CSRNP3: variants seen among roughly 807,000 people sequenced by gnomAD.
CSRNP3 encodes the protein cysteine/serine-rich nuclear protein 3.
A neutral mutation model predicts 48.0 loss-of-function variants in CSRNP3; 12 were observed. That is an observed-to-expected ratio of 0.25 (90% CI 0.16 to 0.41). The LOEUF is 0.41. Ranked by LOEUF, CSRNP3 falls within the 10% of genes least tolerant of loss-of-function variation. The probability of loss-of-function intolerance (pLI) is 1.00; values close to 1 mark genes in which losing one functional copy is unlikely to be tolerated. For missense variants in CSRNP3, 580 were observed against 724.4 expected, an observed-to-expected ratio of 0.80 and a Z score of 2.29; for synonymous variants, 263 against 269.7, an observed-to-expected ratio of 0.98 and a Z score of 0.24.
intron 1 of CSRNP3, among the ~76,000 whole-genome samples, chr2:165,478,030 GGGAAAGGAA>G (rs201089437): frequency 0.052 from 7,820 of 149,504 alleles, 257 homozygotes; most frequent in Admixed American, 0.082. Context: ...AAGAGAGAGA[GGGAAAGGAA>G]GGAAAGGAAG....
In CSRNP3 at chr2:165,610,695, G is replaced by A. The variant is rs534220696; in HGVS notation, c.148+15482G>A. On this transcript the variant is annotated intron_variant, in intron 4 of 6. Transcript: ENST00000651982. ...GGCATTGTGGCACCTCTCAGCCAGG[G>A]CTGCTTCCTTACAGGAAGTGCTTCA... Among the ~76,000 whole-genome samples the A allele has an allele frequency of 1.6e-3, 242 of 152,290 alleles. 1 individual carries two copies. The highest frequency in any genetic ancestry group is 3.0e-3 in the Admixed American group (46 of 15,296).
chr2:165,651,550 C>T (rs1008598510), intron 4 of CSRNP3, among the ~76,000 whole-genome samples: 10 of 151,620 alleles, frequency 6.6e-5, no homozygotes, highest in Non-Finnish European at 1.2e-4. Context: ...TTCACGAGTT[C>T]GTTCTTTATA....
intron 3 of CSRNP3, among the ~76,000 whole-genome samples, chr2:165,592,191 G>T (rs1046111364): frequency 6.6e-6 from 1 of 152,220 alleles, no homozygotes; most frequent in Non-Finnish European, 1.5e-5. Context: ...CTACCCTATT[G>T]TAATTTGGAC....
chr2:165,563,271 T>G (rs1685257131), intron 3 of CSRNP3, among the ~76,000 whole-genome samples: 1 of 152,154 alleles, frequency 6.6e-6, no homozygotes, highest in Non-Finnish European at 1.5e-5. Context: ...CAGACAAAAT[T>G]GAAAACCTAA....
intron 4 of CSRNP3, among the ~76,000 whole-genome samples, chr2:165,598,524 T>C (rs1438721874): frequency 1.3e-5 from 2 of 152,234 alleles, no homozygotes; most frequent in Non-Finnish European, 2.9e-5. Flanking sequence ...GTAGTTTATC[T>C]TGTGTTTATG....
At chr2:165,614,930 C>T (rs1318437593) in intron 4 of CSRNP3, among the ~76,000 whole-genome samples, 1 of 152,102 alleles carries the variant, frequency 6.6e-6, no homozygotes, top group Non-Finnish European at 1.5e-5. Context: ...AGATACTTTA[C>T]ATGACTTTGA....
intron 3 of CSRNP3, among the ~76,000 whole-genome samples, chr2:165,519,295 T>C (rs555793189): frequency 6.6e-6 from 1 of 152,022 alleles, no homozygotes; most frequent in African/African-American, 2.4e-5. Flanking sequence ...TTCGAGTACA[T>C]TGGATTTCCT....
chr2:165,631,989 A>G (rs1329585893), intron 4 of CSRNP3, among the ~76,000 whole-genome samples: 1 of 152,220 alleles, frequency 6.6e-6, no homozygotes, highest in Non-Finnish European at 1.5e-5. Context: ...AATACTATTA[A>G]TATTTAGAGC....
intron 5 of CSRNP3, among the ~76,000 whole-genome samples, chr2:165,660,833 T>C (rs543156499): frequency 6.6e-6 from 1 of 152,292 alleles, no homozygotes; most frequent in East Asian, 1.9e-4. Flanking sequence ...TCCCCTTTGG[T>C]GAAATGTAAA....
chr2:165,541,286 T>C (rs1400682763), intron 3 of CSRNP3, among the ~76,000 whole-genome samples: 1 of 151,928 alleles, frequency 6.6e-6, no homozygotes, highest in African/African-American at 2.4e-5. Flanking sequence ...AATTCACATA[T>C]TGGATATTAT....
intron 4 of CSRNP3, among the ~76,000 whole-genome samples, chr2:165,644,362 G>C (rs942194820): frequency 6.6e-6 from 1 of 152,282 alleles, no homozygotes; most frequent in Non-Finnish European, 1.5e-5. Context: ...GACATGTTGA[G>C]CATGAGGCTT....
intron 2 of CSRNP3, among the ~76,000 whole-genome samples, chr2:165,498,278 G>C (rs1684308587): frequency 2.0e-5 from 3 of 152,158 alleles, no homozygotes; most frequent in Middle Eastern, 3.4e-3. Context: ...TATGCAGTGT[G>C]AATCTTTAAC....
intron 1 of CSRNP3, among the ~76,000 whole-genome samples, chr2:165,482,366 C>A (rs569601805): frequency 6.6e-6 from 1 of 151,630 alleles, no homozygotes; most frequent in Non-Finnish European, 1.5e-5. Flanking sequence ...TGAGTCCAAG[C>A]GATTCTTGTG....
chr2:165,540,500 A>C (rs1684941486), intron 3 of CSRNP3, among the ~76,000 whole-genome samples: 1 of 152,030 alleles, frequency 6.6e-6, no homozygotes, highest in Non-Finnish European at 1.5e-5. Flanking sequence ...TCTGTGCTCT[A>C]CTGCTGGGCA....
chr2:165,603,432 C>T (rs892929307), intron 4 of CSRNP3, among the ~76,000 whole-genome samples: 3 of 152,154 alleles, frequency 2.0e-5, no homozygotes, highest in African/African-American at 7.2e-5. Context: ...ACCCACAAGA[C>T]GTTTGCAAAC....
chr2:165,477,483 A>AAATAT (rs1553469308), intron 1 of CSRNP3, among the ~76,000 whole-genome samples: 2 of 129,676 alleles, frequency 1.5e-5, no homozygotes, highest in Non-Finnish European at 1.7e-5. Flanking sequence ...ATATATATGA[A>AAATAT]ATATATATAT....
At chr2:165,566,235 G>A (rs1194762009) in intron 3 of CSRNP3, among the ~76,000 whole-genome samples, 3 of 151,900 alleles carry the variant, frequency 2.0e-5, no homozygotes, top group Non-Finnish European at 2.9e-5. Flanking sequence ...CATTTTCAGA[G>A]GGATTTTTAG....
At chr2:165,499,208 A>G (rs1412617755) in intron 2 of CSRNP3, among the ~76,000 whole-genome samples, 1 of 152,190 alleles carries the variant, frequency 6.6e-6, no homozygotes, top group Non-Finnish European at 1.5e-5. Flanking sequence ...TTTGGTTTGA[A>G]TACCAGAGAT....
At chr2:165,644,441 G>A (rs1686778109) in intron 4 of CSRNP3, among the ~76,000 whole-genome samples, 1 of 152,118 alleles carries the variant, frequency 6.6e-6, no homozygotes, top group Non-Finnish European at 1.5e-5. Context: ...AAATATAAAT[G>A]CTTATGTATT....
Sources: allele counts gnomAD v4.1 joint callset (sites outside exome capture counted in the v4.1 genomes callset), GRCh38; gene constraint gnomAD v4.1.1; transcripts MANE v1.5; gene names NCBI Gene and HGNC (gene_info 2026-07-23, HGNC 2026-07-21).